The following SH3RF2 variants were observed in gnomAD, a reference collection of about 807,000 sequenced individuals.
SH3RF2 encodes SH3 domain containing ring finger 2.
In SH3RF2, 43 loss-of-function variants were observed where a neutral mutation model predicts 59.0. The ratio of observed to expected loss-of-function variants is 0.73; its 90% CI spans 0.57 to 0.94. The LOEUF is 0.94. SH3RF2 is among the 40% of genes least tolerant of loss of function. The probability of loss-of-function intolerance (pLI) is 0.00; values close to 1 mark genes in which losing one functional copy is unlikely to be tolerated. For missense variants in SH3RF2, 930 were observed against 940.1 expected, an observed-to-expected ratio of 0.99 and a Z score of 0.14; for synonymous variants, 391 against 391.5, an observed-to-expected ratio of 1.00 and a Z score of 0.01.
chr5:146,036,752 A>G (rs1055418409), intron 5 of SH3RF2, among the ~76,000 whole-genome samples: 2 of 152,188 alleles, frequency 1.3e-5, no homozygotes, highest in Non-Finnish European at 2.9e-5. Flanking sequence ...TGCCCAACCA[A>G]TGGGGAAAGC....
intron 9 of SH3RF2, among the ~76,000 whole-genome samples, chr5:146,078,261 A>G: frequency 6.6e-6 from 1 of 152,206 alleles, no homozygotes; most frequent in Admixed American, 6.5e-5. Flanking sequence ...CACCTTAACC[A>G]AAACACCAAA....
intron 5 of SH3RF2, among the ~76,000 whole-genome samples, chr5:146,037,205 C>T (rs1761965797): frequency 6.6e-6 from 1 of 152,172 alleles, no homozygotes; most frequent in Non-Finnish European, 1.5e-5. Flanking sequence ...TCACAAGAAC[C>T]TCATGAGGTA....
In SH3RF2 at chr5:145,941,203, T is replaced by C. The variant is rs540691109; in HGVS notation, c.378+2897T>C. 3.3e-5 allele frequency among the ~76,000 whole-genome samples: 5 copies of C among 152,336 alleles called. No homozygotes were observed. The East Asian group carries it at 7.7e-4, about 23-fold the overall frequency. On this transcript the variant is annotated intron_variant, in intron 2 of 9. Coordinates refer to ENST00000359120, the MANE Select transcript of SH3RF2 (RefSeq NM_152550.4). ...AAGCCCAAAGTCTGTTCTGCTCACC[T>C]AGACTCATCTAAAAAACAAGCTCAT...
intron 5 of SH3RF2, among the ~76,000 whole-genome samples, chr5:146,034,334 T>C (rs17796750): frequency 0.33 from 50,361 of 152,134 alleles, 8,847 homozygotes; most frequent in Non-Finnish European, 0.39. Flanking sequence ...GCAGGGTAGC[T>C]GAACCTCTCC....
At chr5:146,050,274 C>T (rs1326555220) in intron 7 of SH3RF2, 1 of 152,212 alleles carries the variant, frequency 6.6e-6, no homozygotes, top group East Asian at 1.9e-4. Flanking sequence ...TGGAGTGGAT[C>T]AGTGTATGCA....
rs1249982700 is a variant in SH3RF2 at position 146,060,153 on chromosome 5, C to A, written c.1843C>A (p.Pro615Thr). Reference protein sequence around the residue: ...KEIPIKSEPLPKPPASAPPSI... With the variant: ...KEIPIKSEPLTKPPASAPPSI... ...AATCCCCATCAAGAGTGAGCCTCTG[C>A]CAAAACCGCCCGCATCTGCCCCACC... Residue 615 changes from proline (P) to threonine (T), a missense_variant, in exon 9 of 10, where the codon CCA becomes ACA. Physicochemically the swap from Pro to Thr is conservative, Grantham distance 38. Coordinates refer to ENST00000359120, the MANE Select transcript of SH3RF2 (RefSeq NM_152550.4). 6.2e-7 allele frequency: 1 copy of A among 1,614,100 alleles called. No homozygotes were observed. The highest frequency in any genetic ancestry group is 1.7e-5 in the Admixed American group (1 of 60,014).
chr5:145,991,911 ATAGCTTAGACCTACAG>A (rs1230611226), intron 2 of SH3RF2, among the ~76,000 whole-genome samples: 1 of 152,200 alleles, frequency 6.6e-6, no homozygotes, highest in Non-Finnish European at 1.5e-5. Context: ...AGAATAAGAT[ATAGCTTAGACCTACAG>A]TAGCATCAAA....
chr5:145,971,153 T>C (rs1759065933), intron 2 of SH3RF2, among the ~76,000 whole-genome samples: 2 of 152,366 alleles, frequency 1.3e-5, no homozygotes, highest in South Asian at 4.1e-4. Context: ...ATTACCTGCA[T>C]GGCTGCCTCT....
At chr5:145,957,602 C>T (rs1417624964) in intron 2 of SH3RF2, among the ~76,000 whole-genome samples, 1 of 152,060 alleles carries the variant, frequency 6.6e-6, no homozygotes, top group Non-Finnish European at 1.5e-5. Context: ...CACTGAGGCT[C>T]AGAAAGATTA....
chr5:146,018,944 C>A (rs569398570), intron 5 of SH3RF2, among the ~76,000 whole-genome samples: 30 of 152,030 alleles, frequency 2.0e-4, no homozygotes, highest in African/African-American at 7.2e-4. Flanking sequence ...TCTTCTTTAG[C>A]CCACTTTTTA....
At chr5:145,943,595 A>G (rs1757900118) in intron 2 of SH3RF2, among the ~76,000 whole-genome samples, 1 of 152,136 alleles carries the variant, frequency 6.6e-6, no homozygotes, top group South Asian at 2.1e-4. Context: ...GATCAATGCT[A>G]TTTCTGAGAA....
intron 2 of SH3RF2, among the ~76,000 whole-genome samples, chr5:145,984,409 A>T (rs1000924179): frequency 6.6e-6 from 1 of 152,234 alleles, no homozygotes; most frequent in Non-Finnish European, 1.5e-5. Context: ...GAAGATAAAG[A>T]TACAAAAGAC....
chr5:145,983,411 T>A (rs1759581037), intron 2 of SH3RF2, among the ~76,000 whole-genome samples: 1 of 152,164 alleles, frequency 6.6e-6, no homozygotes, highest in Non-Finnish European at 1.5e-5. Context: ...GTCTTTGGCA[T>A]TATTTTCAAA....
chr5:145,948,043 T>C (rs1758058604), intron 2 of SH3RF2, among the ~76,000 whole-genome samples: 1 of 152,204 alleles, frequency 6.6e-6, no homozygotes, highest in Non-Finnish European at 1.5e-5. Flanking sequence ...AGAGCACAGA[T>C]GAAGAACTGG....
chr5:146,032,921 G>A (rs917415980), intron 5 of SH3RF2, among the ~76,000 whole-genome samples: 1 of 152,144 alleles, frequency 6.6e-6, no homozygotes, highest in African/African-American at 2.4e-5. Context: ...TCCAGACCTT[G>A]GAGCCAGCAC....
intron 2 of SH3RF2, among the ~76,000 whole-genome samples, chr5:145,971,405 G>T (rs1029304393): frequency 6.6e-6 from 1 of 152,236 alleles, no homozygotes; most frequent in Non-Finnish European, 1.5e-5. Context: ...CAGAGCATGT[G>T]GGGCTCCCTA....
chr5:146,019,754 T>A (rs1727410325), intron 5 of SH3RF2, among the ~76,000 whole-genome samples: 1 of 152,210 alleles, frequency 6.6e-6, no homozygotes, highest in South Asian at 2.1e-4. Context: ...TTTCCATTTG[T>A]TTGTGTCATT....
At chr5:145,965,937 G>A (rs1203730495) in intron 2 of SH3RF2, among the ~76,000 whole-genome samples, 2 of 152,212 alleles carry the variant, frequency 1.3e-5, no homozygotes, top group African/African-American at 2.4e-5. Context: ...CCCTAAAAGA[G>A]TGAAGGATGA....
chr5:146,039,281 A>T (rs529793729), intron 5 of SH3RF2, among the ~76,000 whole-genome samples: 1 of 152,364 alleles, frequency 6.6e-6, no homozygotes, highest in East Asian at 1.9e-4. Context: ...CATAGGAAAT[A>T]TATTGTGAAT....
Sources: gnomAD v4.1 joint callset for allele counts (sites outside exome capture counted in the v4.1 genomes callset) on GRCh38, gnomAD v4.1.1 for gene constraint, MANE v1.5 for transcripts, NCBI Gene and HGNC (gene_info 2026-07-23, HGNC 2026-07-21) for gene names.